The following PREX2 variants were observed in gnomAD, a reference collection of about 807,000 sequenced individuals.
The protein encoded by PREX2 is phosphatidylinositol 3,4,5-trisphosphate-dependent Rac exchanger 2 protein.
In PREX2, 107 loss-of-function variants were observed where a neutral mutation model predicts 203.2. The observed-to-expected ratio is 0.53, with a 90% confidence interval of 0.45 to 0.62. The LOEUF (loss-of-function observed/expected upper bound fraction) is 0.62, where lower values mean the gene tolerates loss of function less well. PREX2 is among the 20% of genes least tolerant of loss of function. The pLI is 0.00. For synonymous variants in PREX2, 672 were observed against 663.6 expected, an observed-to-expected ratio of 1.01 and a Z score of -0.19; for missense variants, 1,777 against 1,955.9, an observed-to-expected ratio of 0.91 and a Z score of 1.72.
intron 1 of PREX2, among the ~76,000 whole-genome samples, chr8:67,955,170 A>AAAAAAT (rs1554556251): frequency 4.6e-4 from 64 of 139,464 alleles, no homozygotes; most frequent in African/African-American, 6.8e-4. Context: ...AAAAAAAAAA[A>AAAAAAT]AGAAATCATA....
chr8:68,028,294 A>G (rs557705039), intron 5 of PREX2, among the ~76,000 whole-genome samples: 24 of 151,990 alleles, frequency 1.6e-4, no homozygotes, highest in African/African-American at 5.1e-4. Flanking sequence ...ATATAAATCA[A>G]TTAGCATAGT....
intron 1 of PREX2, among the ~76,000 whole-genome samples, chr8:67,987,858 A>G (rs189225144): frequency 1.3e-3 from 191 of 151,884 alleles, no homozygotes; most frequent in African/African-American, 4.4e-3. Context: ...GACAAGCCCC[A>G]CATCAGGTAT....
chr8:67,993,029 C>A (rs1242412409), intron 1 of PREX2, among the ~76,000 whole-genome samples: 1 of 152,202 alleles, frequency 6.6e-6, no homozygotes, highest in African/African-American at 2.4e-5. Context: ...CCACTTGAAA[C>A]TATCCTTGGC....
chr8:68,019,626 C>T lies in PREX2; in HGVS notation c.291C>T (p.Pro97=), dbSNP rs763053948. The change falls in exon 3 of 40, where the codon CCC becomes CCT. Residue 97 remains proline, a synonymous_variant. Coordinates refer to ENST00000288368, the MANE Select transcript of PREX2 (RefSeq NM_024870.4). ...AAGTCGTGGAAGAATGCTTACACCC[C>T]GAACCTAATGCTCAACAAGAAGTGG... The part of the protein sequence containing the change: ...FLKVVEECLH[P]EPNAQQEVGT... The T allele has an allele frequency of 2.2e-5, 35 of 1,613,476 alleles. No individual in the cohort carries two copies. The highest frequency in any genetic ancestry group is 1.5e-4 in the South Asian group (14 of 90,998).
chr8:68,106,274 G>A (rs1810408717), intron 23 of PREX2: 2 of 503,152 alleles, frequency 4.0e-6, no homozygotes, highest in South Asian at 1.5e-5. Flanking sequence ...AATAACAGTG[G>A]GAAAGAACTT....
At chr8:68,103,974 G>A (rs1369085190) in intron 23 of PREX2, among the ~76,000 whole-genome samples, 1 of 152,026 alleles carries the variant, frequency 6.6e-6, no homozygotes, top group African/African-American at 2.4e-5. Context: ...CATATCTCAC[G>A]CTTCACATGT....
chr8:68,018,079 G>T (rs879456894), intron 2 of PREX2, among the ~76,000 whole-genome samples, 162 bp downstream of exon 2: 4 of 152,098 alleles, frequency 2.6e-5, no homozygotes, highest in African/African-American at 7.2e-5. Context: ...GAGAAATAGG[G>T]CTTAGGAAAA....
At chr8:68,087,942 A>G in intron 19 of PREX2, 133 bp downstream of exon 19, 4 of 673,472 alleles carry the variant, frequency 5.9e-6, no homozygotes, top group South Asian at 5.6e-5. Context: ...TATTAACTCA[A>G]TGGTAGCACA....
At position 67,952,365 on chromosome 8, in the gene PREX2, G is replaced by T. The variant is rs546007748; in HGVS notation, c.-30G>T. The stretch of plus-strand genomic sequence containing the variant: ...CGCGGGTCAGCGCTCAGCACGGCGG[G>T]CAGCGCCGCGCTGCGCACCGCCGCC... On this transcript the variant is annotated 5_prime_UTR_variant, in exon 1 of 40. Coordinates refer to ENST00000288368, the MANE Select transcript of PREX2 (RefSeq NM_024870.4). The T allele has an allele frequency of 6.7e-7, 1 of 1,501,360 alleles. No homozygotes were observed. The highest frequency in any genetic ancestry group is 1.5e-5 in the African/African-American group (1 of 68,242). 93.0% of individuals were successfully genotyped at this position (1,501,360 alleles called of 1,614,324 possible).
intron 20 of PREX2, among the ~76,000 whole-genome samples, chr8:68,091,431 A>AGCTAGCAATGTAATTAGCTAGATG (rs1302610068): frequency 1.3e-5 from 2 of 152,238 alleles, no homozygotes; most frequent in Non-Finnish European, 2.9e-5. Context: ...GCAGAACTTT[A>AGCTAGCAATGTAATTAGCTAGATG]CAGGAGAAGC....
chr8:68,039,322 GT>G (rs1808126767), intron 7 of PREX2, among the ~76,000 whole-genome samples: 1 of 152,004 alleles, frequency 6.6e-6, no homozygotes, highest in Non-Finnish European at 1.5e-5. Context: ...GCTCTTTAAG[GT>G]TTTGTTTGTT....
In PREX2 at chr8:68,090,713, A is replaced by G; in HGVS notation, c.2248A>G (p.Lys750Glu). ...TACRKYRRPT[K>E]QDSIQWVYNS... ...CTGCAGGAAGTACAGGCGGCCAACG[A>G]AGGTAAGTGGCCCTTCAGATAATCT... is the stretch of plus-strand genomic sequence containing the variant. The change falls in exon 20 of 40, where the codon AAG becomes GAG. Residue 750 changes from lysine (K) to glutamate (E), a missense_variant and splice_region_variant. Transcript: ENST00000288368. The G allele has an allele frequency of 1.9e-6, 3 of 1,613,040 alleles. No individual in the cohort carries two copies. Among genetic ancestry groups the G allele is most frequent in the Non-Finnish European group, 2.5e-6 (3 of 1,179,202 alleles).
intron 10 of PREX2, among the ~76,000 whole-genome samples, chr8:68,059,902 T>G (rs1594916): frequency 0.59 from 89,680 of 152,030 alleles, 28,435 homozygotes; most frequent in African/African-American, 0.84. Context: ...AGCTGGCAGT[T>G]GCACATTGAA....
At chr8:68,083,073 C>T (rs1412786049) in intron 17 of PREX2, among the ~76,000 whole-genome samples, 167 bp from the exon 18 acceptor site, 1 of 152,166 alleles carries the variant, frequency 6.6e-6, no homozygotes, top group Non-Finnish European at 1.5e-5. Context: ...AGAATGATAA[C>T]TGTGTTATCT....
At chr8:68,047,406 A>G (rs956762548) in intron 8 of PREX2, among the ~76,000 whole-genome samples, 1 of 149,518 alleles carries the variant, frequency 6.7e-6, no homozygotes, top group African/African-American at 2.4e-5. Context: ...CTCATCTGTC[A>G]TTGCCAAAAG....
At chr8:68,127,461 T>C in intron 31 of PREX2, 42 bp downstream of exon 31, 1 of 1,447,722 alleles carries the variant, frequency 6.9e-7, no homozygotes, top group Non-Finnish European at 9.7e-7. Flanking sequence ...TTTAAGTGAT[T>C]GTGGCCCAGG....
chr8:68,038,394 C>T, intron 7 of PREX2, 102 bp downstream of exon 7: 4 of 1,194,936 alleles, frequency 3.3e-6, no homozygotes, highest in Non-Finnish European at 4.7e-6. Context: ...TTCTACCTTT[C>T]TCTCTGTGCT....
At chr8:68,078,525 G>A (rs1485066473) in intron 15 of PREX2, among the ~76,000 whole-genome samples, 1 of 152,086 alleles carries the variant, frequency 6.6e-6, no homozygotes, top group Admixed American at 6.6e-5. Flanking sequence ...ATACCTGTTT[G>A]TCAGTTACTT....
Position 68,080,768 on chromosome 8 carries a change from A to C in PREX2, c.1808A>C (p.Tyr603Ser). The change falls in exon 17 of 40, where the codon TAT becomes TCT. Residue 603 changes from tyrosine to serine, a missense_variant. By Grantham distance (144) the Tyr-to-Ser change is moderately radical. Coordinates refer to ENST00000288368, the MANE Select transcript of PREX2 (RefSeq NM_024870.4). ...SLLIKSNEGS[Y>S]GFGLEDKNKV... ...CAGATTAAATCCAATGAAGGCAGCTATGGCTTTGGATTAGAAGACAAAAAT... is the reference window on the plus strand; with the variant it reads ...CAGATTAAATCCAATGAAGGCAGCTCTGGCTTTGGATTAGAAGACAAAAAT... 1 of 1,570,694 alleles carries C rather than the reference A, an allele frequency of 6.4e-7. No homozygotes were observed. The highest frequency in any genetic ancestry group is 1.8e-5 in the Admixed American group (1 of 56,728).
Sources: allele counts gnomAD v4.1 joint callset (sites outside exome capture counted in the v4.1 genomes callset), GRCh38; gene constraint gnomAD v4.1.1; transcripts MANE v1.5; gene names NCBI Gene and HGNC (gene_info 2026-07-23, HGNC 2026-07-21).